DSP: variants seen among roughly 807,000 people sequenced by gnomAD.
The protein encoded by DSP is desmoplakin, also known as 250/210 kDa paraneoplastic pemphigus antigen.
DSP carries 114 observed loss-of-function variants against 290.6 expected under a neutral mutation model. The observed-to-expected ratio is 0.39, with a 90% CI of 0.34 to 0.46. The LOEUF (loss-of-function observed/expected upper bound fraction) is 0.46, where lower values mean the gene tolerates loss of function less well. Ranked by LOEUF, DSP falls within the 20% of genes least tolerant of loss-of-function variation. The pLI, the probability that DSP is intolerant of heterozygous loss-of-function variation, is 0.99. For missense variants in DSP, 3,230 were observed against 3,495.8 expected (o/e 0.92, Z 1.92); for synonymous variants, 1,311 against 1,316.4 (o/e 1.00, Z 0.09).
Position 7,585,864 on chromosome 6 carries a change from T to A in DSP, c.8602T>A (p.Ser2868Thr), listed in dbSNP as rs1554109346. 4.3e-6 allele frequency: 7 copies of A among 1,614,074 alleles called. No individual in the cohort carries two copies. The highest frequency in any genetic ancestry group is 1.1e-5 in the South Asian group (1 of 91,066). Reference protein sequence around the residue: ...YSYSYSFSSSSIGH With the variant: ...YSYSYSFSSSTIGH ...TTATTCCTACTCATTTAGCAGTAGTTCTATTGGGCACTAGTAGTCAGTTGG... is the reference window on the plus strand; with the variant it reads ...TTATTCCTACTCATTTAGCAGTAGTACTATTGGGCACTAGTAGTCAGTTGG... Residue 2868 changes from serine to threonine, a missense_variant, in exon 24 of 24, where the codon TCT (serine) becomes ACT (threonine). By Grantham distance (58) the Ser-to-Thr change is moderately conservative. Transcript: ENST00000379802.
chr6:7,574,518 C>A lies in DSP; in HGVS notation c.2298-139C>A, dbSNP rs1375478775. 2.3e-5 allele frequency: 29 copies of A among 1,280,426 alleles called. No homozygotes were observed. The East Asian group carries it at 6.9e-4, about 31-fold the overall frequency. The allele number at this position is 1,280,426 out of a possible 1,614,324, so 79.3% of individuals were successfully genotyped here. A position where few individuals can be genotyped will look rare whatever the true frequency, so the allele number is the denominator to read the frequency against. On this transcript the variant is annotated intron_variant, in intron 16 of 23. Transcript: ENST00000379802. ...GCGAATACAAAATGTTGGTCTGAAT[C>A]ACAATAGACCAAAAAACAGACAAAA...
In DSP at chr6:7,577,759, T is replaced by TA. The variant is rs1440609253; in HGVS notation, c.2878-17dup. On this transcript the variant is annotated intron_variant, in intron 20 of 23. Transcript: ENST00000379802. ...TTAAGTCTATGAAGGACACTTTTCT[T>TA]AAACTTCATTATGCTGCAGGATTAT... 11 of 1,601,856 alleles carry TA rather than the reference T, an allele frequency of 6.9e-6. No individual in the cohort carries two copies. In the African/African-American group the frequency reaches 1.3e-4, roughly 19 times the overall value.
chr6:7,578,668 G>A (rs1759323422), intron 22 of DSP, 106 bp downstream of exon 22: 1 of 931,676 alleles, frequency 1.1e-6, no homozygotes, highest in East Asian at 2.5e-5. Context: ...TGGTGAAACT[G>A]TATTTCCTCT....
chr6:7,542,262 G>T (rs1758014877), intron 1 of DSP, among the ~76,000 whole-genome samples, 177 bp downstream of exon 1: 1 of 145,902 alleles, frequency 6.9e-6, no homozygotes, highest in South Asian at 2.2e-4. Flanking sequence ...CGCGTGCGGG[G>T]ACAGGTTGGC....
intron 5 of DSP, among the ~76,000 whole-genome samples, chr6:7,563,310 A>G (rs1424924507): frequency 1.5e-5 from 2 of 136,742 alleles, no homozygotes; most frequent in African/African-American, 6.1e-5. Context: ...GTAAATCACT[A>G]AACTTTTTTT....
chr6:7,554,373 C>T (rs183334584), intron 1 of DSP, among the ~76,000 whole-genome samples: 1 of 152,284 alleles, frequency 6.6e-6, no homozygotes, highest in East Asian at 1.9e-4. Flanking sequence ...ACTCTGTCAT[C>T]TCGTTCTTTA....
At chr6:7,559,428 C>G in intron 4 of DSP, 28 bp downstream of exon 4, 1 of 1,611,876 alleles carries the variant, frequency 6.2e-7, no homozygotes, top group Non-Finnish European at 8.5e-7. Flanking sequence ...CAGCCCAAAC[C>G]TGTGCAGGCC....
At chr6:7,575,150 A>G (rs1002687518) in intron 17 of DSP, 145 bp from the exon 18 acceptor site, 1 of 783,890 alleles carries the variant, frequency 1.3e-6, no homozygotes, top group Non-Finnish European at 2.1e-6. Flanking sequence ...CAGTAAATAT[A>G]TTTCCCTGGA....
At chr6:7,557,627 C>T (rs1305715442) in intron 2 of DSP, among the ~76,000 whole-genome samples, 1 of 152,178 alleles carries the variant, frequency 6.6e-6, no homozygotes, top group Admixed American at 6.5e-5. Context: ...TTGCAGTGAG[C>T]TGAGATCGTG....
intron 13 of DSP, 69 bp from the exon 14 acceptor site, chr6:7,571,314 G>A: frequency 1.3e-6 from 2 of 1,579,836 alleles, no homozygotes; most frequent in Admixed American, 1.7e-5. Context: ...GCATTTTTTG[G>A]CCAACTCTTC....
intron 11 of DSP, among the ~76,000 whole-genome samples, 162 bp downstream of exon 11, chr6:7,568,751 C>G (rs1028864691): frequency 1.3e-5 from 2 of 152,216 alleles, no homozygotes; most frequent in Non-Finnish European, 2.9e-5. Flanking sequence ...CAGCTCTGTT[C>G]TGAATCATAT....
rs148272824 is a variant in DSP at position 7,574,582 on chromosome 6, C to T, written c.2298-75C>T. 2.6e-4 allele frequency: 414 copies of T among 1,595,774 alleles called. 1 individual carries two copies. The African/African-American group carries it at 4.8e-3, about 19-fold the overall frequency. Reference sequence around the variant, plus strand: ...GCTTTGACGTTGTTCCCTTTCATTACTAGCTGTGAGAGGCAAATCTTCACA... The same window carrying T: ...GCTTTGACGTTGTTCCCTTTCATTATTAGCTGTGAGAGGCAAATCTTCACA... On this transcript the variant is annotated intron_variant, in intron 16 of 23. Coordinates refer to ENST00000379802, the MANE Select transcript of DSP (RefSeq NM_004415.4).
intron 1 of DSP, among the ~76,000 whole-genome samples, chr6:7,553,157 G>T (rs2744368): frequency 0.25 from 38,569 of 151,714 alleles, 5,243 homozygotes; most frequent in African/African-American, 0.34. Context: ...TTTTAACAGC[G>T]GGGTTTTATG....
In DSP at chr6:7,571,788, C is replaced by T. The variant is rs141634094; in HGVS notation, c.1904-54C>T. 468 of 1,568,982 alleles carry T rather than the reference C, an allele frequency of 3.0e-4. 3 individuals are homozygous for T. The highest frequency in any genetic ancestry group is 1.7e-3 in the Middle Eastern group (10 of 6,000). On this transcript the variant is annotated intron_variant, in intron 14 of 23. Transcript: ENST00000379802. ...AGTATGGATGTTTTTTGAGGCCTAG[C>T]ACCTTGATACCTAGGTATTCTCTGA...
Position 7,583,329 on chromosome 6 carries a change from G to C in DSP, c.6067G>C (p.Ala2023Pro), listed in dbSNP as rs776533737. 1.2e-6 allele frequency: 2 copies of C among 1,614,204 alleles called. No homozygotes were observed. The highest frequency in any genetic ancestry group is 1.7e-6 in the Non-Finnish European group (2 of 1,180,048). The change falls in exon 24 of 24, where the codon GCT becomes CCT. Residue 2023 changes from alanine to proline, a missense_variant. Around this residue, in one of 5 missense-constraint regions of DSP, gnomAD observed 1,714 missense variants for 1,844.5 expected, o/e 0.93. Transcript: ENST00000379802. This position sits in a 1 kb window ranked among gnomAD's most constrained non-coding sequence, Gnocchi z 4.0. ...TGCAGGATCTATCGCTGGAGCATCT[G>C]CTTCTCCTAAGGAAAAATACTCTTT... ...RGAGSIAGAS[A>P]SPKEKYSLVE... is the part of the protein sequence containing the mutation.
rs1372435657 is a variant in DSP at position 7,567,360 on chromosome 6, A to G, written c.1051A>G (p.Met351Val). 1.9e-6 allele frequency: 3 copies of G among 1,613,816 alleles called. No homozygotes were observed. Among genetic ancestry groups the G allele is most frequent in the African/African-American group, 1.3e-5 (1 of 74,908 alleles). Residue 351 changes from methionine (M) to valine (V), a missense_variant, in exon 9 of 24, where the codon ATG (methionine) becomes GTG (valine). Coordinates refer to ENST00000379802, the MANE Select transcript of DSP (RefSeq NM_004415.4). ...HPASDKIEAY[M>V]DTLQTQWSWI... ...TGACATTTTCTTGTTTCAGGCCTATATGGACACTCTGCAGACGCAGTGGAG... is the reference window on the plus strand; with the variant it reads ...TGACATTTTCTTGTTTCAGGCCTATGTGGACACTCTGCAGACGCAGTGGAG...
intron 18 of DSP, among the ~76,000 whole-genome samples, chr6:7,575,743 C>T (rs1759222235): frequency 6.6e-6 from 1 of 152,212 alleles, no homozygotes; most frequent in African/African-American, 2.4e-5. Flanking sequence ...GCCCTTTAGC[C>T]AGCTCTTTTG....
At chr6:7,578,399 C>A in intron 21 of DSP, 65 bp from the exon 22 acceptor site, 3 of 1,384,486 alleles carry the variant, frequency 2.2e-6, no homozygotes, top group South Asian at 2.3e-5. Context: ...CAAAATCGGT[C>A]AAATTACATA....
At chr6:7,545,700 T>A (rs969605323) in intron 1 of DSP, among the ~76,000 whole-genome samples, 1 of 152,200 alleles carries the variant, frequency 6.6e-6, no homozygotes, top group Non-Finnish European at 1.5e-5. Flanking sequence ...GGGGTGTACG[T>A]GACTTCAGAG....
Sources: gnomAD v4.1 joint callset for allele counts (sites outside exome capture counted in the v4.1 genomes callset) on GRCh38, gnomAD v4.1.1 for gene constraint, gnomAD v4.1.1 regional missense constraint, Gnocchi (gnomAD v3.1) non-coding constraint, MANE v1.5 for transcripts, NCBI Gene and HGNC (gene_info 2026-07-23, HGNC 2026-07-21) for gene names.